RAB11FIP4: variants seen among roughly 807,000 people sequenced by gnomAD.
RAB11FIP4 encodes the protein RAB11 family interacting protein 4.
A neutral mutation model predicts 74.3 loss-of-function variants in RAB11FIP4; 23 were observed. That is an observed-to-expected ratio of 0.31 (90% CI 0.22 to 0.44). The LOEUF (loss-of-function observed/expected upper bound fraction) is 0.44. Among genes scored for constraint, RAB11FIP4 ranks in the 20% least tolerant of loss-of-function variants. The pLI, the probability that RAB11FIP4 is intolerant of heterozygous loss-of-function variation, is 1.00. For missense variants in RAB11FIP4, 630 were observed against 863.9 expected (o/e 0.73, Z 3.39); for synonymous variants, 360 against 359.9 (o/e 1.00, Z 0.00).
At chr17:31,399,621 G>A (rs1023047635) in intron 1 of RAB11FIP4, among the ~76,000 whole-genome samples, 1 of 152,132 alleles carries the variant, frequency 6.6e-6, no homozygotes, top group African/African-American at 2.4e-5. Flanking sequence ...GCTGAGATAG[G>A]AGAATTGCTT....
chr17:31,462,273 A>C (rs2071640950), intron 3 of RAB11FIP4, among the ~76,000 whole-genome samples: 1 of 137,230 alleles, frequency 7.3e-6, no homozygotes, highest in African/African-American at 3.7e-5. Context: ...CTCAAAAAAA[A>C]CAAAAAACAA....
At chr17:31,521,077 A>G in intron 4 of RAB11FIP4, 89 bp from the exon 5 acceptor site, 1 of 1,059,172 alleles carries the variant, frequency 9.4e-7, no homozygotes, top group Non-Finnish European at 1.4e-6. Context: ...AGTGCCAATT[A>G]AAGGGAAATG....
chr17:31,481,911 A>G (rs1009494197), intron 3 of RAB11FIP4, among the ~76,000 whole-genome samples: 1 of 152,184 alleles, frequency 6.6e-6, no homozygotes, highest in African/African-American at 2.4e-5. Flanking sequence ...GCATCCAGCC[A>G]GATGTTACAA....
chr17:31,448,104 G>A (rs1033164475), intron 3 of RAB11FIP4, among the ~76,000 whole-genome samples: 2 of 152,188 alleles, frequency 1.3e-5, no homozygotes, highest in Admixed American at 1.3e-4. Flanking sequence ...AAGCCACCGC[G>A]CCCTGCGGGA....
chr17:31,423,321 T>A (rs1194443553), intron 1 of RAB11FIP4, among the ~76,000 whole-genome samples: 1 of 152,198 alleles, frequency 6.6e-6, no homozygotes, highest in African/African-American at 2.4e-5. Flanking sequence ...TGTAAGACAC[T>A]GGGGCCTGTT....
intron 1 of RAB11FIP4, among the ~76,000 whole-genome samples, chr17:31,417,356 G>A (rs965452185): frequency 6.6e-6 from 1 of 152,084 alleles, no homozygotes; most frequent in African/African-American, 2.4e-5. Context: ...GGCACTTCCC[G>A]GCCTGCTGCA....
chr17:31,400,778 G>A (rs1351629811), intron 1 of RAB11FIP4, among the ~76,000 whole-genome samples: 5 of 152,198 alleles, frequency 3.3e-5, no homozygotes, highest in African/African-American at 4.8e-5. Flanking sequence ...GGAGCTCCAC[G>A]TTGGCCTGTG....
chr17:31,486,564 C>T (rs1261805240), intron 3 of RAB11FIP4, among the ~76,000 whole-genome samples: 2 of 152,194 alleles, frequency 1.3e-5, no homozygotes, highest in East Asian at 1.9e-4. Context: ...AGGCATGAGC[C>T]GCCACATCCA....
chr17:31,402,225 C>CCATA, intron 1 of RAB11FIP4, among the ~76,000 whole-genome samples: 1 of 150,206 alleles, frequency 6.7e-6, no homozygotes, highest in Admixed American at 6.6e-5. Flanking sequence ...ATCCATCCAT[C>CCATA]CATCCACCCA....
chr17:31,416,201 G>A (rs770769035), intron 1 of RAB11FIP4, among the ~76,000 whole-genome samples: 2 of 152,158 alleles, frequency 1.3e-5, no homozygotes, highest in African/African-American at 4.8e-5. Context: ...CACTAATTGC[G>A]GAGCTGGTCC....
At chr17:31,505,715 ATATTAT>A (rs2072336093) in intron 3 of RAB11FIP4, among the ~76,000 whole-genome samples, 1 of 122,804 alleles carries the variant, frequency 8.1e-6, no homozygotes. Flanking sequence ...TATATTAATA[ATATTAT>A]TATTACTATT....
chr17:31,416,340 G>C (rs2071147968), intron 1 of RAB11FIP4, among the ~76,000 whole-genome samples: 2 of 152,306 alleles, frequency 1.3e-5, no homozygotes, highest in East Asian at 3.9e-4. Context: ...AGCGGGCTTA[G>C]GGAGTGGGAG....
chr17:31,505,551 TA>T (rs1254548471), intron 3 of RAB11FIP4, among the ~76,000 whole-genome samples: 1 of 67,526 alleles, frequency 1.5e-5, no homozygotes, highest in Non-Finnish European at 2.7e-5. Context: ...ATATTATATA[TA>T]ATAATAATTA....
chr17:31,429,119 A>G (rs2071281851), intron 1 of RAB11FIP4, among the ~76,000 whole-genome samples: 1 of 152,068 alleles, frequency 6.6e-6, no homozygotes, highest in African/African-American at 2.4e-5. Flanking sequence ...TGTGAGCAAA[A>G]ACAAATATTA....
At chr17:31,446,199 A>G (rs1051888445) in intron 3 of RAB11FIP4, among the ~76,000 whole-genome samples, 2 of 152,092 alleles carry the variant, frequency 1.3e-5, no homozygotes, top group Non-Finnish European at 2.9e-5. Flanking sequence ...GGAGGGGGCC[A>G]GGAGGGGAGT....
At chr17:31,490,245 A>G (rs113228441) in intron 3 of RAB11FIP4, among the ~76,000 whole-genome samples, 64 of 152,138 alleles carry the variant, frequency 4.2e-4, no homozygotes, top group Middle Eastern at 3.4e-3. Context: ...TTCAGACCCA[A>G]GGTTTTCTCT....
intron 1 of RAB11FIP4, among the ~76,000 whole-genome samples, chr17:31,404,079 CA>C (rs1190154626): frequency 2.0e-5 from 3 of 152,334 alleles, no homozygotes; most frequent in African/African-American, 7.2e-5. Context: ...TCCATGGCCC[CA>C]GGAGGTGCGC....
At chr17:31,461,075 C>T (rs1346052881) in intron 3 of RAB11FIP4, among the ~76,000 whole-genome samples, 2 of 151,292 alleles carry the variant, frequency 1.3e-5, no homozygotes, top group Non-Finnish European at 2.9e-5. Context: ...TGATGCCCCC[C>T]AAATCCACAG....
In RAB11FIP4 at chr17:31,402,826, C is replaced by T. The variant is rs376653179; in HGVS notation, c.159+10815C>T. The stretch of plus-strand genomic sequence containing the variant: ...ATTTTTAGTAGAGACGGGGTTTCAC[C>T]GTGTTAGCCAGGATGGTCTCGATCT... On this transcript the variant is annotated intron_variant, in intron 1 of 14. Coordinates refer to ENST00000621161, the MANE Select transcript of RAB11FIP4 (RefSeq NM_032932.6). Among the ~76,000 whole-genome samples, 339 of 151,706 alleles carry T rather than the reference C, an allele frequency of 2.2e-3. 2 individuals carry two copies. Among genetic ancestry groups the T allele is most frequent in the South Asian group, 9.2e-3 (44 of 4,802 alleles).
Sources: allele counts gnomAD v4.1 joint callset (sites outside exome capture counted in the v4.1 genomes callset), GRCh38; gene constraint gnomAD v4.1.1; transcripts MANE v1.5; gene names NCBI Gene and HGNC (gene_info 2026-07-23, HGNC 2026-07-21).